Variants in ZC2HC1A observed in about 807,000 individuals in gnomAD.
ZC2HC1A encodes the protein zinc finger C2HC domain-containing protein 1A.
A neutral mutation model predicts 40.7 loss-of-function variants in ZC2HC1A; 28 were observed. That is an observed-to-expected ratio of 0.69 (90% CI 0.51 to 0.94). The LOEUF is 0.94. Ranked by LOEUF, ZC2HC1A falls within the 40% of genes least tolerant of loss-of-function variation. The probability of loss-of-function intolerance (pLI) is 0.00; values close to 1 mark genes in which losing one functional copy is unlikely to be tolerated. For missense variants in ZC2HC1A, 389 were observed against 386.3 expected, an observed-to-expected ratio of 1.01 and a Z score of -0.06; for synonymous variants, 129 against 129.2, an observed-to-expected ratio of 1.00 and a Z score of 0.01.
chr8:78,684,427 C>T (rs112156173), intron 3 of ZC2HC1A, among the ~76,000 whole-genome samples: 19 of 152,262 alleles, frequency 1.2e-4, no homozygotes, highest in Admixed American at 3.9e-4. Flanking sequence ...GTCATGAGGA[C>T]GGCATGGGAG....
intron 3 of ZC2HC1A, among the ~76,000 whole-genome samples, chr8:78,684,493 G>A (rs563469481): frequency 3.3e-5 from 5 of 152,340 alleles, no homozygotes; most frequent in Non-Finnish European, 7.3e-5. Flanking sequence ...AACAGGTGGA[G>A]TTTATGGGAG....
At chr8:78,667,987 A>G (rs180977242) in intron 1 of ZC2HC1A, among the ~76,000 whole-genome samples, 3 of 151,664 alleles carry the variant, frequency 2.0e-5, no homozygotes, top group East Asian at 1.9e-4. Context: ...ATAAGATGCT[A>G]TCATTAACTA....
chr8:78,687,330 A>G (rs763727346), intron 4 of ZC2HC1A, among the ~76,000 whole-genome samples: 2 of 151,622 alleles, frequency 1.3e-5, no homozygotes, highest in Non-Finnish European at 2.9e-5. Flanking sequence ...TAGCAAATCT[A>G]GATATGATCG....
chr8:78,675,618 CTAAG>C, intron 1 of ZC2HC1A, 165 bp from the exon 2 acceptor site: 1 of 571,668 alleles, frequency 1.7e-6, no homozygotes, highest in Non-Finnish European at 3.0e-6. Context: ...CCACTGATAA[CTAAG>C]TATTATGCTC....
At chr8:78,696,201 A>AT (rs1342744633) in intron 5 of ZC2HC1A, among the ~76,000 whole-genome samples, 1 of 151,810 alleles carries the variant, frequency 6.6e-6, no homozygotes, top group Non-Finnish European at 1.5e-5. Flanking sequence ...CGCCCGGCTA[A>AT]TTTTTTGTAT....
At chr8:78,692,604 GT>G (rs1192398583) in intron 5 of ZC2HC1A, among the ~76,000 whole-genome samples, 1 of 152,040 alleles carries the variant, frequency 6.6e-6, no homozygotes, top group Non-Finnish European at 1.5e-5. Flanking sequence ...AGTGTAGGTG[GT>G]TAAATCCAGG....
intron 7 of ZC2HC1A, among the ~76,000 whole-genome samples, chr8:78,707,015 T>A (rs999839255): frequency 3.9e-5 from 6 of 152,214 alleles, no homozygotes; most frequent in Admixed American, 1.3e-4. Context: ...AGTAAAAAAA[T>A]TTTATCTTTT....
Position 78,681,739 on chromosome 8 carries a change from TGG to T in ZC2HC1A, c.210+3061_210+3062del, listed in dbSNP as rs1809789307. 1.3e-5 allele frequency among the ~76,000 whole-genome samples: 2 copies of T among 152,152 alleles called. 1 individual carries two copies. The highest frequency in any genetic ancestry group is 4.1e-4 in the South Asian group (2 of 4,828). On this transcript the variant is annotated intron_variant, in intron 3 of 8. Transcript: ENST00000263849. ...TGACATTTTGATTTTATATTTGTTC[TGG>T]TATCTGTTTTGTTGTGTTTTCCAAG...
intron 7 of ZC2HC1A, among the ~76,000 whole-genome samples, chr8:78,707,272 A>G (rs893923520): frequency 4.6e-5 from 7 of 152,202 alleles, no homozygotes; most frequent in African/African-American, 1.4e-4. Flanking sequence ...CAATTTTATC[A>G]GTTGGCAATA....
chr8:78,708,360 T>C (rs1416202048), intron 7 of ZC2HC1A, among the ~76,000 whole-genome samples: 3 of 152,218 alleles, frequency 2.0e-5, no homozygotes, highest in Non-Finnish European at 4.4e-5. Flanking sequence ...AATTCTCATA[T>C]GTTTGGTTGT....
chr8:78,695,938 A>G (rs943131762), intron 5 of ZC2HC1A, among the ~76,000 whole-genome samples: 1 of 152,204 alleles, frequency 6.6e-6, no homozygotes, highest in Admixed American at 6.5e-5. Context: ...AATTGGTTTT[A>G]GCTAGCTATT....
At chr8:78,678,398 CTT>C (rs1330994901) in intron 2 of ZC2HC1A, among the ~76,000 whole-genome samples, 163 bp from the exon 3 acceptor site, 1 of 152,080 alleles carries the variant, frequency 6.6e-6, no homozygotes, top group Non-Finnish European at 1.5e-5. Context: ...CGTTTTACAA[CTT>C]AACATTTGGT....
chr8:78,694,019 G>A (rs1810311563), intron 5 of ZC2HC1A, among the ~76,000 whole-genome samples: 1 of 152,080 alleles, frequency 6.6e-6, no homozygotes, highest in Admixed American at 6.6e-5. Flanking sequence ...TTTTTGTCAG[G>A]TTTGTCAAAG....
chr8:78,671,246 G>A (rs1809431058), intron 1 of ZC2HC1A, among the ~76,000 whole-genome samples: 1 of 152,168 alleles, frequency 6.6e-6, no homozygotes, highest in Non-Finnish European at 1.5e-5. Context: ...CATCATGCAG[G>A]TTTTGAAGTT....
At chr8:78,692,171 A>G (rs549165069) in intron 5 of ZC2HC1A, among the ~76,000 whole-genome samples, 3 of 152,278 alleles carry the variant, frequency 2.0e-5, no homozygotes, top group Non-Finnish European at 4.4e-5. Flanking sequence ...GACCATCATC[A>G]TCATCTCCTT....
At chr8:78,689,552 A>T (rs1323045666) in intron 5 of ZC2HC1A, among the ~76,000 whole-genome samples, 179 bp downstream of exon 5, 2 of 152,038 alleles carry the variant, frequency 1.3e-5, no homozygotes, top group African/African-American at 4.8e-5. Context: ...AAATCATTTC[A>T]AGCTAATTGT....
At chr8:78,679,359 C>T (rs912452214) in intron 3 of ZC2HC1A, 8 of 152,162 alleles carry the variant, frequency 5.3e-5, no homozygotes, top group African/African-American at 1.9e-4. Flanking sequence ...ACTCAAACTC[C>T]TTATGGCATA....
At chr8:78,712,102 T>G in intron 7 of ZC2HC1A, 2 of 1,281,534 alleles carry the variant, frequency 1.6e-6, no homozygotes, top group Non-Finnish European at 2.0e-6. Flanking sequence ...ATTACCTATT[T>G]ACAAGTAAGT....
At chr8:78,704,221 A>T (rs535796355) in intron 7 of ZC2HC1A, among the ~76,000 whole-genome samples, 3 of 146,018 alleles carry the variant, frequency 2.1e-5, no homozygotes, top group South Asian at 4.3e-4. Flanking sequence ...GTCTCTATTT[A>T]AAAAAAAAAT....
Sources: gnomAD v4.1 joint callset for allele counts (sites outside exome capture counted in the v4.1 genomes callset) on GRCh38, gnomAD v4.1.1 for gene constraint, MANE v1.5 for transcripts, NCBI Gene and HGNC (gene_info 2026-07-23, HGNC 2026-07-21) for gene names.